Variants in PABPC4L observed in about 807,000 individuals in gnomAD.
The protein encoded by PABPC4L is poly(A) binding protein cytoplasmic 4 like, also known as polyadenylate-binding protein 4-like.
For missense variants in PABPC4L, 452 were observed against 451.4 expected (o/e 1.00, Z -0.01); for synonymous variants, 169 against 164.1 (o/e 1.03, Z -0.23).
chr4:134,180,986 T>C, the PABPC4L span, among the ~76,000 whole-genome samples: 1 of 151,880 alleles, frequency 6.6e-6, no homozygotes, highest in Non-Finnish European at 1.5e-5. Flanking sequence ...ACTGAAACTA[T>C]TCCAAAAAAT....
the PABPC4L span, among the ~76,000 whole-genome samples, chr4:134,091,788 T>C: frequency 2.0e-5 from 3 of 152,042 alleles, no homozygotes; most frequent in Non-Finnish European, 4.4e-5. Context: ...TTACATCTAA[T>C]AATCTAGTGA....
the PABPC4L span, among the ~76,000 whole-genome samples, chr4:134,086,004 AGTAATAATT>A: frequency 6.6e-6 from 1 of 152,160 alleles, no homozygotes; most frequent in African/African-American, 2.4e-5. Context: ...TTGTAATAAT[AGTAATAATT>A]GTAATCACTT....
the PABPC4L span, among the ~76,000 whole-genome samples, chr4:134,033,000 T>G: frequency 6.7e-6 from 1 of 150,080 alleles, no homozygotes; most frequent in Non-Finnish European, 1.5e-5. Context: ...CAGTTTGCTT[T>G]ATTGCATGAC....
At chr4:134,160,464 A>T in the PABPC4L span, among the ~76,000 whole-genome samples, 3 of 152,246 alleles carry the variant, frequency 2.0e-5, no homozygotes, top group South Asian at 6.2e-4. Flanking sequence ...AAGTCAGAAC[A>T]CTCAAGCTCC....
At chr4:133,952,111 C>A in the PABPC4L span, among the ~76,000 whole-genome samples, 1 of 152,200 alleles carries the variant, frequency 6.6e-6, no homozygotes, top group African/African-American at 2.4e-5. Context: ...TTCTTTCCCC[C>A]GAAATTAGAA....
At chr4:134,195,727 A>G (rs1729634600), downstream of PABPC4L, among the ~76,000 whole-genome samples, 1 of 151,696 alleles carries the variant, frequency 6.6e-6, no homozygotes, top group Non-Finnish European at 1.5e-5. Context: ...AATTTAGTTC[A>G]GAGCATTCTG....
the PABPC4L span, among the ~76,000 whole-genome samples, chr4:134,096,295 G>A: frequency 6.6e-6 from 1 of 151,918 alleles, no homozygotes; most frequent in Admixed American, 6.6e-5. Context: ...AAAGATGATT[G>A]TGAGGGCACA....
the PABPC4L span, among the ~76,000 whole-genome samples, chr4:133,980,853 C>G: frequency 6.6e-6 from 1 of 152,136 alleles, no homozygotes; most frequent in Non-Finnish European, 1.5e-5. Flanking sequence ...CTGCTCTTCT[C>G]ACCTCATTAA....
At chr4:134,062,752 T>C in the PABPC4L span, among the ~76,000 whole-genome samples, 1 of 152,072 alleles carries the variant, frequency 6.6e-6, no homozygotes, top group Non-Finnish European at 1.5e-5. Context: ...TACAAAAAAT[T>C]TGACCAGTAC....
chr4:133,974,914 C>CTGA, the PABPC4L span, among the ~76,000 whole-genome samples: 5 of 152,184 alleles, frequency 3.3e-5, no homozygotes, highest in South Asian at 6.2e-4. Context: ...TAGGATTATA[C>CTGA]AGCCTCTTTG....
At chr4:134,151,071 G>A in the PABPC4L span, among the ~76,000 whole-genome samples, 1,074 of 152,226 alleles carry the variant, frequency 7.1e-3, 20 homozygotes, top group African/African-American at 0.024. Flanking sequence ...TACATAAAGT[G>A]TAAAGTAGCC....
At chr4:134,142,317 G>A in the PABPC4L span, among the ~76,000 whole-genome samples, 1 of 151,738 alleles carries the variant, frequency 6.6e-6, no homozygotes, top group East Asian at 1.9e-4. Flanking sequence ...TCAGAATAAA[G>A]GATTGTCATC....
At chr4:134,150,191 T>G in the PABPC4L span, among the ~76,000 whole-genome samples, 2 of 151,244 alleles carry the variant, frequency 1.3e-5, no homozygotes, top group Non-Finnish European at 2.9e-5. Flanking sequence ...CAAGCGATTC[T>G]CCCTGCCTCA....
chr4:133,966,812 G>T, the PABPC4L span, among the ~76,000 whole-genome samples: 5 of 152,076 alleles, frequency 3.3e-5, no homozygotes, highest in Non-Finnish European at 1.5e-5. Context: ...TGGGGGTAGG[G>T]TGGGAGTGGG....
the PABPC4L span, chr4:134,010,722 C>T: frequency 6.6e-6 from 1 of 152,010 alleles, no homozygotes; most frequent in Non-Finnish European, 1.5e-5. Context: ...GTATTACAGC[C>T]AAGTCGATGT....
At chr4:134,079,916 A>T in the PABPC4L span, among the ~76,000 whole-genome samples, 88 of 151,510 alleles carry the variant, frequency 5.8e-4, 1 homozygote, top group African/African-American at 9.2e-4. Context: ...GTTTAAAAAA[A>T]TTTTTTTTTG....
chr4:134,091,491 C>G, the PABPC4L span, among the ~76,000 whole-genome samples: 2 of 151,910 alleles, frequency 1.3e-5, no homozygotes, highest in South Asian at 4.2e-4. Context: ...CATCTGCAAA[C>G]TGAAATAGAT....
the PABPC4L span, among the ~76,000 whole-genome samples, chr4:134,117,829 C>A: frequency 1.2e-4 from 18 of 151,764 alleles, no homozygotes; most frequent in East Asian, 1.9e-4. Flanking sequence ...AGAGGCAATG[C>A]GCCCTGAGGA....
the PABPC4L span, among the ~76,000 whole-genome samples, chr4:133,986,508 G>T: frequency 6.6e-6 from 1 of 151,914 alleles, no homozygotes; most frequent in Non-Finnish European, 1.5e-5. Flanking sequence ...GAAAATAAGA[G>T]AAATAAAATG....
Sources: gnomAD v4.1 joint callset for allele counts (sites outside exome capture counted in the v4.1 genomes callset) on GRCh38, gnomAD v4.1.1 for gene constraint, MANE v1.5 for transcripts, NCBI Gene and HGNC (gene_info 2026-07-23, HGNC 2026-07-21) for gene names.